BIRC6: variants seen among roughly 807,000 people sequenced by gnomAD.
The protein encoded by BIRC6 is dual E2 ubiquitin-conjugating enzyme/E3 ubiquitin-protein ligase BIRC6.
In BIRC6, 98 loss-of-function variants were observed where a neutral mutation model predicts 503.3. The ratio of observed to expected loss-of-function variants is 0.19; its 90% CI spans 0.17 to 0.23. The LOEUF is 0.23. Among genes scored for constraint, BIRC6 ranks in the 10% least tolerant of loss-of-function variants. The pLI is 1.00. For synonymous variants in BIRC6, 2,240 were observed against 2,078.7 expected (o/e 1.08, Z -2.11); for missense variants, 5,360 against 5,806.0 (o/e 0.92, Z 2.50).
At chr2:32,593,021 A>G (rs2061478390) in intron 66 of BIRC6, among the ~76,000 whole-genome samples, 1 of 152,268 alleles carries the variant, frequency 6.6e-6, no homozygotes, top group Non-Finnish European at 1.5e-5. Flanking sequence ...TACAACTAAA[A>G]AAATAAGTGA....
chr2:32,592,573 A>G (rs958058898), intron 66 of BIRC6, among the ~76,000 whole-genome samples: 1 of 151,330 alleles, frequency 6.6e-6, no homozygotes, highest in Non-Finnish European at 1.5e-5. Flanking sequence ...TGTAGATGAC[A>G]TAGTATTATT....
At chr2:32,582,314 C>T (rs1425653183) in intron 66 of BIRC6, among the ~76,000 whole-genome samples, 1 of 151,974 alleles carries the variant, frequency 6.6e-6, no homozygotes, top group Non-Finnish European at 1.5e-5. Flanking sequence ...GAGTTCAAGA[C>T]CAGCCTGGGC....
intron 49 of BIRC6, among the ~76,000 whole-genome samples, chr2:32,504,395 C>T (rs576245274): frequency 6.6e-6 from 1 of 151,684 alleles, no homozygotes; most frequent in African/African-American, 2.4e-5. Flanking sequence ...AGGCTGGGCG[C>T]GGTGGCTCAT....
At chr2:32,476,988 T>G (rs780449742) in intron 34 of BIRC6, among the ~76,000 whole-genome samples, 5 of 152,178 alleles carry the variant, frequency 3.3e-5, no homozygotes, top group Non-Finnish European at 7.4e-5. Context: ...TTGAAGTAAC[T>G]CGAATTAATA....
At chr2:32,612,072 G>C (rs910797675) in intron 73 of BIRC6, among the ~76,000 whole-genome samples, 1 of 152,072 alleles carries the variant, frequency 6.6e-6, no homozygotes, top group African/African-American at 2.4e-5. Context: ...TGTAGAGATG[G>C]GGTCTCACCC....
chr2:32,516,743 T>A (rs1387468882), intron 55 of BIRC6, among the ~76,000 whole-genome samples: 2 of 152,084 alleles, frequency 1.3e-5, no homozygotes. Context: ...TCAAGAGTAA[T>A]TCTAGTTGGC....
chr2:32,460,204 T>C (rs1421232830), intron 23 of BIRC6, among the ~76,000 whole-genome samples: 2 of 134,444 alleles, frequency 1.5e-5, no homozygotes, highest in East Asian at 4.1e-4. Flanking sequence ...ATATATATCA[T>C]ATATGATATA....
At chr2:32,398,223 AATTGCTC>A (rs1447738866) in intron 6 of BIRC6, among the ~76,000 whole-genome samples, 2 of 152,208 alleles carry the variant, frequency 1.3e-5, no homozygotes, top group Non-Finnish European at 2.9e-5. Context: ...CTAGGGAGTT[AATTGCTC>A]TTGTAGGCAC....
At chr2:32,419,910 A>G (rs1366512432) in intron 10 of BIRC6, among the ~76,000 whole-genome samples, 1 of 152,204 alleles carries the variant, frequency 6.6e-6, no homozygotes, top group African/African-American at 2.4e-5. Flanking sequence ...AGAGTTTCCA[A>G]TAGGAATGAA....
At chr2:32,368,611 A>G (rs2035311603) in intron 1 of BIRC6, among the ~76,000 whole-genome samples, 1 of 152,226 alleles carries the variant, frequency 6.6e-6, no homozygotes, top group South Asian at 2.1e-4. Context: ...CCTAGACTTT[A>G]GAGAAGTTTG....
At chr2:32,615,263 T>TC (rs745773895) in intron 73 of BIRC6, among the ~76,000 whole-genome samples, 9 of 152,172 alleles carry the variant, frequency 5.9e-5, no homozygotes, top group Non-Finnish European at 1.3e-4. Context: ...CCAAACTAGA[T>TC]CAATCCCCAA....
chr2:32,552,738 A>G (rs1380923057), intron 65 of BIRC6, among the ~76,000 whole-genome samples: 3 of 152,114 alleles, frequency 2.0e-5, no homozygotes, highest in Non-Finnish European at 4.4e-5. Flanking sequence ...TGGAGGTTGC[A>G]GTAAGCCAAG....
At chr2:32,604,300 T>C (rs2062279836) in intron 71 of BIRC6, among the ~76,000 whole-genome samples, 2 of 152,168 alleles carry the variant, frequency 1.3e-5, no homozygotes. Flanking sequence ...AAAATCAGAT[T>C]TTTTTAAAAG....
intron 65 of BIRC6, among the ~76,000 whole-genome samples, chr2:32,554,292 T>C (rs2058636827): frequency 6.6e-6 from 1 of 152,210 alleles, no homozygotes; most frequent in Admixed American, 6.5e-5. Flanking sequence ...GGGATGAATA[T>C]TCTTTCAGAT....
intron 25 of BIRC6, 22 bp downstream of exon 25, chr2:32,464,845 T>C: frequency 6.3e-7 from 1 of 1,577,036 alleles, no homozygotes. Flanking sequence ...TTTAAATAGG[T>C]GTTGGCTTAG....
At chr2:32,544,198 A>C (rs574475209) in intron 62 of BIRC6, among the ~76,000 whole-genome samples, 1 of 152,348 alleles carries the variant, frequency 6.6e-6, no homozygotes, top group African/African-American at 2.4e-5. Context: ...TTTAGATTTT[A>C]TTTTGAATAG....
At chr2:32,536,190 T>G (rs2057219965) in intron 61 of BIRC6, among the ~76,000 whole-genome samples, 1 of 152,228 alleles carries the variant, frequency 6.6e-6, no homozygotes, top group South Asian at 2.1e-4. Flanking sequence ...GAGTTCATTG[T>G]AGAGTCTGGA....
At chr2:32,420,657 G>GT (rs1326470113) in intron 10 of BIRC6, among the ~76,000 whole-genome samples, 4 of 152,006 alleles carry the variant, frequency 2.6e-5, no homozygotes, top group Non-Finnish European at 5.9e-5. Flanking sequence ...GGGACTACAG[G>GT]TACACCACCA....
At chr2:32,512,130 A>C (rs1179400369) in intron 53 of BIRC6, among the ~76,000 whole-genome samples, 1 of 152,204 alleles carries the variant, frequency 6.6e-6, no homozygotes, top group Non-Finnish European at 1.5e-5. Context: ...AGACTGAGAA[A>C]AATGTCTTCC....
Sources: allele counts gnomAD v4.1 joint callset (sites outside exome capture counted in the v4.1 genomes callset), GRCh38; gene constraint gnomAD v4.1.1; transcripts MANE v1.5; gene names NCBI Gene and HGNC (gene_info 2026-07-23, HGNC 2026-07-21).